The following SRBD1 variants were observed in gnomAD, a reference collection of about 807,000 sequenced individuals.
The protein encoded by SRBD1 is S1 RNA-binding domain-containing protein 1.
Under a neutral mutation model 115.3 loss-of-function variants are expected in SRBD1, and 88 were observed. That is an observed-to-expected ratio of 0.76 (90% CI 0.64 to 0.91). SRBD1 has a LOEUF of 0.91. Among genes scored for constraint, SRBD1 ranks in the 40% least tolerant of loss-of-function variants. The pLI is 0.00. For synonymous variants in SRBD1, 509 were observed against 407.7 expected (o/e 1.25, Z -2.99); for missense variants, 1,385 against 1,177.4 (o/e 1.18, Z -2.58).
At chr2:45,429,575 C>T (rs1316929579) in intron 16 of SRBD1, among the ~76,000 whole-genome samples, 1 of 152,110 alleles carries the variant, frequency 6.6e-6, no homozygotes, top group African/African-American at 2.4e-5. Flanking sequence ...GCAGAAAAGG[C>T]CTTTGATAAA....
intron 14 of SRBD1, among the ~76,000 whole-genome samples, chr2:45,539,575 GC>G (rs1558463894): frequency 2.0e-5 from 3 of 152,306 alleles, no homozygotes; most frequent in African/African-American, 7.2e-5. Flanking sequence ...GGCTGATGTA[GC>G]GGGGAACTAC....
At chr2:45,444,956 A>G (rs775580640) in intron 16 of SRBD1, among the ~76,000 whole-genome samples, 11 of 152,228 alleles carry the variant, frequency 7.2e-5, no homozygotes, top group Non-Finnish European at 1.2e-4. Context: ...GATGATGAAC[A>G]TAAAAAGTAG....
At chr2:45,436,597 A>G (rs1668506488) in intron 16 of SRBD1, among the ~76,000 whole-genome samples, 1 of 152,194 alleles carries the variant, frequency 6.6e-6, no homozygotes, top group Non-Finnish European at 1.5e-5. Flanking sequence ...CATGACTTAC[A>G]TGGTGGCAGG....
intron 19 of SRBD1, among the ~76,000 whole-genome samples, chr2:45,404,931 C>A (rs1192431771): frequency 6.6e-6 from 1 of 152,102 alleles, no homozygotes; most frequent in Non-Finnish European, 1.5e-5. Context: ...TCTGGCTCCT[C>A]TTCCTGGAAC....
chr2:45,585,888 C>A, intron 4 of SRBD1, 114 bp from the exon 5 acceptor site: 4 of 787,522 alleles, frequency 5.1e-6, no homozygotes, highest in East Asian at 3.1e-5. Context: ...AAACTACTTG[C>A]TATAGTTTTT....
intron 19 of SRBD1, among the ~76,000 whole-genome samples, chr2:45,402,345 T>C (rs868198111): frequency 4.1e-4 from 62 of 152,334 alleles, no homozygotes; most frequent in African/African-American, 1.5e-3. Flanking sequence ...TATGTGATTA[T>C]TCCTGTCCCA....
At chr2:45,581,299 A>C (rs1046751613) in intron 6 of SRBD1, among the ~76,000 whole-genome samples, 2 of 152,170 alleles carry the variant, frequency 1.3e-5, no homozygotes, top group Non-Finnish European at 2.9e-5. Flanking sequence ...GGTAACCTCC[A>C]GTGGTCAATC....
intron 14 of SRBD1, among the ~76,000 whole-genome samples, chr2:45,523,398 G>T (rs1671348562): frequency 6.6e-6 from 1 of 151,246 alleles, no homozygotes; most frequent in East Asian, 1.9e-4. Flanking sequence ...CTCCAAAGTT[G>T]AACTCAAAAG....
intron 10 of SRBD1, among the ~76,000 whole-genome samples, chr2:45,560,857 G>A (rs919411947): frequency 2.0e-5 from 3 of 151,856 alleles, no homozygotes; most frequent in Non-Finnish European, 4.4e-5. Flanking sequence ...TGTCACGCCA[G>A]CATTTTGGGA....
intron 14 of SRBD1, among the ~76,000 whole-genome samples, chr2:45,495,985 T>A (rs1164447009): frequency 1.3e-5 from 2 of 152,202 alleles, no homozygotes; most frequent in South Asian, 2.1e-4. Flanking sequence ...TCCAAAATTA[T>A]TTATGTCTTT....
chr2:45,453,207 G>A (rs1354582922), intron 16 of SRBD1, among the ~76,000 whole-genome samples: 3 of 149,736 alleles, frequency 2.0e-5, no homozygotes, highest in Non-Finnish European at 4.4e-5. Flanking sequence ...CCTGTACTGG[G>A]GAAACTGGTA....
chr2:45,505,835 TG>T (rs1288960055), intron 14 of SRBD1, among the ~76,000 whole-genome samples: 8 of 152,192 alleles, frequency 5.3e-5, no homozygotes, highest in African/African-American at 1.9e-4. Context: ...AGGAAAAACC[TG>T]ATCTCTGGAC....
intron 14 of SRBD1, among the ~76,000 whole-genome samples, chr2:45,516,713 G>A (rs1671129430): frequency 6.6e-6 from 1 of 152,076 alleles, no homozygotes; most frequent in South Asian, 2.1e-4. Flanking sequence ...CATACATTCT[G>A]ATTTCATCAA....
intron 5 of SRBD1, among the ~76,000 whole-genome samples, chr2:45,584,146 A>G (rs957479944): frequency 2.6e-5 from 4 of 152,122 alleles, no homozygotes; most frequent in African/African-American, 7.2e-5. Flanking sequence ...TGTGGTCAAG[A>G]GTGGTTTTGT....
At chr2:45,470,714 C>T (rs568925724) in intron 16 of SRBD1, among the ~76,000 whole-genome samples, 172 of 152,334 alleles carry the variant, frequency 1.1e-3, no homozygotes, top group African/African-American at 3.9e-3. Context: ...CATCATCCTG[C>T]TCTCACTCTG....
At chr2:45,436,264 G>C (rs1668494904) in intron 16 of SRBD1, among the ~76,000 whole-genome samples, 1 of 152,098 alleles carries the variant, frequency 6.6e-6, no homozygotes, top group Admixed American at 6.6e-5. Flanking sequence ...ACATCCTCAA[G>C]GTGATTAAAA....
intron 19 of SRBD1, among the ~76,000 whole-genome samples, chr2:45,401,224 G>A (rs1453291487): frequency 1.3e-5 from 2 of 152,152 alleles, no homozygotes; most frequent in African/African-American, 4.8e-5. Context: ...GAGGAGTAGG[G>A]TCATTAAGCC....
intron 19 of SRBD1, among the ~76,000 whole-genome samples, chr2:45,407,513 T>A (rs539731285): frequency 6.6e-6 from 1 of 152,246 alleles, no homozygotes; most frequent in East Asian, 1.9e-4. Flanking sequence ...CCCCAAGGAG[T>A]TATTAGGCTC....
At chr2:45,435,585 A>AAC (rs557738856) in intron 16 of SRBD1, among the ~76,000 whole-genome samples, 8 of 134,864 alleles carry the variant, frequency 5.9e-5, no homozygotes, top group African/African-American at 2.2e-4. Flanking sequence ...AAAAAAAAAA[A>AAC]CAGCTGCCTG....
Sources: allele counts gnomAD v4.1 joint callset (sites outside exome capture counted in the v4.1 genomes callset), GRCh38; gene constraint gnomAD v4.1.1; transcripts MANE v1.5; gene names NCBI Gene and HGNC (gene_info 2026-07-23, HGNC 2026-07-21).